Variants in ZDHHC14 observed in about 807,000 individuals in gnomAD.
ZDHHC14 encodes the protein zDHHC palmitoyltransferase 14.
ZDHHC14 carries 16 observed loss-of-function variants against 47.7 expected under a neutral mutation model. The observed-to-expected ratio is 0.34, with a 90% CI of 0.23 to 0.51. ZDHHC14 has a LOEUF of 0.51. Ranked by LOEUF, ZDHHC14 falls within the 20% of genes least tolerant of loss-of-function variation. The pLI, the probability that ZDHHC14 is intolerant of heterozygous loss-of-function variation, is 0.97. For synonymous variants in ZDHHC14, 293 were observed against 278.9 expected, an observed-to-expected ratio of 1.05 and a Z score of -0.50; for missense variants, 515 against 662.5, an observed-to-expected ratio of 0.78 and a Z score of 2.44.
chr6:157,608,838 G>T (rs1260799502), intron 3 of ZDHHC14, among the ~76,000 whole-genome samples: 1 of 152,216 alleles, frequency 6.6e-6, no homozygotes, highest in East Asian at 1.9e-4. Context: ...GACGAGAGGG[G>T]GGGCTGTCCC....
intron 2 of ZDHHC14, among the ~76,000 whole-genome samples, chr6:157,559,353 G>A (rs551363738): frequency 1.6e-4 from 24 of 152,288 alleles, no homozygotes; most frequent in African/African-American, 4.3e-4. Flanking sequence ...CCTGGCTGAC[G>A]CGCTCTTCTC....
intron 7 of ZDHHC14, among the ~76,000 whole-genome samples, chr6:157,648,042 G>A (rs538774452): frequency 1.3e-5 from 2 of 152,250 alleles, no homozygotes; most frequent in East Asian, 1.9e-4. Flanking sequence ...AGTAAATGCC[G>A]GCTAGTCAGG....
intron 1 of ZDHHC14, among the ~76,000 whole-genome samples, chr6:157,386,670 T>C (rs1562405279): frequency 6.6e-6 from 1 of 152,106 alleles, no homozygotes; most frequent in Non-Finnish European, 1.5e-5. Flanking sequence ...TTCATAGCTG[T>C]GTTTAGGGGA....
Position 157,676,846 on chromosome 6 carries a change from A to G in ZDHHC14, c.*3724A>G, listed in dbSNP as rs745385077. 1.3e-5 allele frequency: 2 copies of G among 152,242 alleles called. No homozygotes were observed. Among genetic ancestry groups the G allele is most frequent in the Admixed American group, 6.5e-5 (1 of 15,292 alleles). The allele number at this position is 152,242 out of a possible 1,614,324, so 9.4% of individuals were successfully genotyped here. A position where few individuals can be genotyped will look rare whatever the true frequency, so the allele number is the denominator to read the frequency against. On this transcript the variant is annotated 3_prime_UTR_variant, in exon 9 of 9. Transcript: ENST00000359775. ...ACCATCCTCTTCATGCCAGGAACCA[A>G]CTGCTTCTCAGCCTCGGCTTAGGGT...
chr6:157,490,768 A>T (rs1285134640), intron 1 of ZDHHC14, among the ~76,000 whole-genome samples: 1 of 152,224 alleles, frequency 6.6e-6, no homozygotes, highest in Non-Finnish European at 1.5e-5. Flanking sequence ...GAATGAAGCC[A>T]CAGAGGGAGG....
At chr6:157,584,559 G>A (rs1199206347) in intron 2 of ZDHHC14, among the ~76,000 whole-genome samples, 2 of 152,202 alleles carry the variant, frequency 1.3e-5, no homozygotes, top group Non-Finnish European at 2.9e-5. Context: ...TATCAGGATG[G>A]AAGTGCTCTG....
intron 1 of ZDHHC14, among the ~76,000 whole-genome samples, chr6:157,443,631 G>A (rs936128038): frequency 3.3e-5 from 5 of 152,208 alleles, no homozygotes; most frequent in South Asian, 4.1e-4. Context: ...TATGTGGTGA[G>A]GTTTAGCACA....
chr6:157,541,483 A>G (rs17445464), intron 1 of ZDHHC14, among the ~76,000 whole-genome samples: 27,372 of 151,994 alleles, frequency 0.18, 3,963 homozygotes, highest in African/African-American at 0.4. Context: ...GAGCTTCCCA[A>G]TCCTTTCTTC....
At chr6:157,642,973 A>G (rs1222261892) in intron 5 of ZDHHC14, among the ~76,000 whole-genome samples, 2 of 152,222 alleles carry the variant, frequency 1.3e-5, no homozygotes, top group African/African-American at 4.8e-5. Context: ...TAGGAAGGGG[A>G]CCAGCCTAAG....
chr6:157,638,852 G>A (rs950481217), intron 5 of ZDHHC14, among the ~76,000 whole-genome samples: 2 of 152,232 alleles, frequency 1.3e-5, no homozygotes, highest in Non-Finnish European at 2.9e-5. Flanking sequence ...AGGGACCTCC[G>A]TGCAGGGCTG....
chr6:157,419,319 T>C lies in ZDHHC14; in HGVS notation c.245+37053T>C, dbSNP rs146433707. Reference sequence around the variant, plus strand: ...GATTTATGTCATGCCTAATGTCATGTGCCCATCATTACAGTTTCATACAAA... The same window carrying C: ...GATTTATGTCATGCCTAATGTCATGCGCCCATCATTACAGTTTCATACAAA... On this transcript the variant is annotated intron_variant, in intron 1 of 8. Transcript: ENST00000359775. 1.0e-3 allele frequency among the ~76,000 whole-genome samples: 155 copies of C among 152,376 alleles called. 2 individuals are homozygous for C. In the South Asian group the frequency reaches 0.021, roughly 21 times the overall value.
chr6:157,602,992 C>G (rs1468654058), intron 3 of ZDHHC14, among the ~76,000 whole-genome samples: 1 of 152,222 alleles, frequency 6.6e-6, no homozygotes, highest in Non-Finnish European at 1.5e-5. Context: ...CTTTGCTAGT[C>G]ACTGAGCTCT....
At chr6:157,592,276 T>C (rs762153078) in intron 2 of ZDHHC14, among the ~76,000 whole-genome samples, 9 of 152,346 alleles carry the variant, frequency 5.9e-5, no homozygotes, top group Non-Finnish European at 1.3e-4. Flanking sequence ...ATTGACATTT[T>C]TAGAACTGGT....
At chr6:157,498,170 C>T (rs1170148391) in intron 1 of ZDHHC14, among the ~76,000 whole-genome samples, 2 of 151,992 alleles carry the variant, frequency 1.3e-5, no homozygotes, top group Admixed American at 6.6e-5. Context: ...GGTGCAGTGG[C>T]TCATGCCTGT....
intron 1 of ZDHHC14, among the ~76,000 whole-genome samples, chr6:157,528,233 T>C (rs373030942): frequency 6.6e-6 from 1 of 152,330 alleles, no homozygotes; most frequent in Admixed American, 6.5e-5. Flanking sequence ...GTGTTTGCCA[T>C]GGGGAAGTCC....
intron 1 of ZDHHC14, among the ~76,000 whole-genome samples, chr6:157,448,820 C>T (rs1037934853): frequency 4.6e-5 from 7 of 152,254 alleles, no homozygotes. Flanking sequence ...AAGTGATCTG[C>T]CCGCCTCGGC....
chr6:157,573,286 C>T (rs1783170348), intron 2 of ZDHHC14, among the ~76,000 whole-genome samples: 1 of 152,208 alleles, frequency 6.6e-6, no homozygotes, highest in Non-Finnish European at 1.5e-5. Context: ...ACCGGGTGCA[C>T]CCTGTGCTCC....
intron 8 of ZDHHC14, among the ~76,000 whole-genome samples, chr6:157,667,439 G>C (rs900318175): frequency 6.6e-6 from 1 of 152,066 alleles, no homozygotes; most frequent in Non-Finnish European, 1.5e-5. Context: ...AAGTAAAAAA[G>C]AGAGAGGTAG....
chr6:157,411,717 T>C (rs2114758506), intron 1 of ZDHHC14, among the ~76,000 whole-genome samples: 1 of 145,326 alleles, frequency 6.9e-6, no homozygotes, highest in South Asian at 2.2e-4. Flanking sequence ...CAAAATAAAA[T>C]GCTAAAAAGG....
Sources: gnomAD v4.1 joint callset for allele counts (sites outside exome capture counted in the v4.1 genomes callset) on GRCh38, gnomAD v4.1.1 for gene constraint, MANE v1.5 for transcripts, NCBI Gene and HGNC (gene_info 2026-07-23, HGNC 2026-07-21) for gene names.